ZNF519: variants seen among roughly 807,000 people sequenced by gnomAD.
ZNF519 encodes similar to Zinc finger protein 85 (Zinc finger protein HPF4) (HTF1).
A neutral mutation model predicts 7.4 loss-of-function variants in ZNF519; 7 were observed. The ratio of observed to expected loss-of-function variants is 0.94; its 90% confidence interval spans 0.54 to 1.77. The LOEUF is 1.77. Among genes scored for constraint, ZNF519 ranks in the 40% most tolerant of loss-of-function variants. The pLI, the probability that ZNF519 is intolerant of heterozygous loss-of-function variation, is 0.00. For synonymous variants in ZNF519, 179 were observed against 203.3 expected (o/e 0.88, Z 1.02); for missense variants, 586 against 623.1 (o/e 0.94, Z 0.63).
At chr18:14,128,133 CA>C (rs374217542) in intron 1 of ZNF519, among the ~76,000 whole-genome samples, 19 of 148,796 alleles carry the variant, frequency 1.3e-4, no homozygotes, top group African/African-American at 3.4e-4. Context: ...ACTAAAAATA[CA>C]AAAAAAAAAT....
intron 2 of ZNF519, among the ~76,000 whole-genome samples, chr18:14,107,789 C>T (rs1161528994): frequency 6.6e-6 from 1 of 152,060 alleles, no homozygotes; most frequent in Non-Finnish European, 1.5e-5. Flanking sequence ...GGTAGCCTGG[C>T]GGTATTCCCC....
chr18:14,109,106 A>G (rs761055363), intron 2 of ZNF519, among the ~76,000 whole-genome samples: 2 of 151,578 alleles, frequency 1.3e-5, no homozygotes, highest in Non-Finnish European at 2.9e-5. Context: ...AAACTCAGAG[A>G]AACTCCGTCT....
Position 14,132,340 on chromosome 18 carries a change from G to C in ZNF519, c.-63C>G. 1 of 1,599,910 alleles carries C rather than the reference G, an allele frequency of 6.3e-7. No individual in the cohort carries two copies. Among genetic ancestry groups the C allele is most frequent in the South Asian group, 1.1e-5 (1 of 90,620 alleles). On this transcript the variant is annotated 5_prime_UTR_variant, in exon 1 of 3. Coordinates refer to ENST00000590202, the MANE Select transcript of ZNF519 (RefSeq NM_145287.4). Reference sequence around the variant, plus strand: ...AATCATTCAATGCCAGCAGGTCACAGAGCGACGGAGTGAGTGGCAGAATCA... The same window carrying C: ...AATCATTCAATGCCAGCAGGTCACACAGCGACGGAGTGAGTGGCAGAATCA...
At chr18:14,127,643 T>C (rs1391565903) in intron 1 of ZNF519, among the ~76,000 whole-genome samples, 3 of 152,150 alleles carry the variant, frequency 2.0e-5, no homozygotes, top group East Asian at 1.9e-4. Flanking sequence ...GTTTAATTAA[T>C]GCACATGTGT....
intron 2 of ZNF519, among the ~76,000 whole-genome samples, chr18:14,118,325 TG>T (rs2143153798): frequency 6.6e-6 from 1 of 152,300 alleles, no homozygotes; most frequent in East Asian, 1.9e-4. Context: ...ACCAAAGTGC[TG>T]GGATTACAGG....
downstream of ZNF519, among the ~76,000 whole-genome samples, chr18:14,099,736 G>T (rs114569484): frequency 0.016 from 2,389 of 152,210 alleles, 64 homozygotes; most frequent in African/African-American, 0.055. Flanking sequence ...CAACAAGGGA[G>T]CCACCTTGTG....
intron 2 of ZNF519, among the ~76,000 whole-genome samples, chr18:14,116,576 A>G (rs937719878): frequency 6.6e-6 from 1 of 152,246 alleles, no homozygotes; most frequent in Non-Finnish European, 1.5e-5. Context: ...TAGTCTCTTC[A>G]ATAAATGGTG....
chr18:14,111,515 G>GAAAAAAAAAAAAAAAAAAAAAAAAAAA (rs371322134), intron 2 of ZNF519, among the ~76,000 whole-genome samples: 2 of 72,638 alleles, frequency 2.8e-5, no homozygotes, highest in Non-Finnish European at 5.6e-5. Flanking sequence ...TCAAAAAAAA[G>GAAAAAAAAAAAAAAAAAAAAAAAAAAA]AAAAAAAAAA....
At chr18:14,092,348 C>T (rs1312299362) in intron 2 of ZNF519, among the ~76,000 whole-genome samples, 1 of 152,074 alleles carries the variant, frequency 6.6e-6, no homozygotes, top group Non-Finnish European at 1.5e-5. Flanking sequence ...TTGGAATGAG[C>T]TTGTTTGGGA....
At chr18:14,087,280 G>C (rs898059866) in intron 2 of ZNF519, among the ~76,000 whole-genome samples, 1 of 152,150 alleles carries the variant, frequency 6.6e-6, no homozygotes, top group Non-Finnish European at 1.5e-5. Flanking sequence ...TCTGACACAA[G>C]ATAAGGATGC....
chr18:14,127,442 T>C (rs2046306044), intron 1 of ZNF519, among the ~76,000 whole-genome samples: 1 of 152,112 alleles, frequency 6.6e-6, no homozygotes, highest in African/African-American at 2.4e-5. Context: ...TCTTGGGGGT[T>C]ACAGCAAGCA....
downstream of ZNF519, chr18:14,071,325 G>C (rs2046027258): frequency 6.6e-6 from 1 of 152,078 alleles, no homozygotes; most frequent in East Asian, 1.9e-4. Context: ...ATTAATTACA[G>C]AGGGTTGTTC....
intron 2 of ZNF519, among the ~76,000 whole-genome samples, chr18:14,109,866 T>C (rs996786793): frequency 1.3e-5 from 2 of 152,060 alleles, no homozygotes; most frequent in African/African-American, 4.8e-5. Context: ...AGAGCCTACG[T>C]AGCCAAAGTA....
At chr18:14,117,299 T>C (rs1308987385) in intron 2 of ZNF519, among the ~76,000 whole-genome samples, 1 of 152,158 alleles carries the variant, frequency 6.6e-6, no homozygotes, top group Admixed American at 6.5e-5. Context: ...TCTCCAAAGA[T>C]GAAATAATAC....
rs2046160559 is a variant in ZNF519, at chr18:14,101,450, T to A, written c.*3467A>T. The A allele has an allele frequency of 7.7e-6, 3 of 387,972 alleles. No homozygotes were observed. In the Admixed American group the frequency reaches 1.3e-4, roughly 17 times the overall value. The allele number at this position is 387,972 out of a possible 1,614,324, so 24.0% of individuals were successfully genotyped here. On this transcript the variant is annotated 3_prime_UTR_variant, in exon 3 of 3. Transcript: ENST00000590202. ...TATAAATAATTTTCCTAGATATTCT[T>A]ACAAATATGTGAAAGCCGATTGTAC... is the stretch of plus-strand genomic sequence containing the variant.
At chr18:14,111,649 T>C (rs1447266696) in intron 2 of ZNF519, among the ~76,000 whole-genome samples, 1 of 152,078 alleles carries the variant, frequency 6.6e-6, no homozygotes, top group African/African-American at 2.4e-5. Context: ...GTGGCTGCTA[T>C]GAGCAGATAG....
chr18:14,114,912 T>C (rs868336964), intron 2 of ZNF519, among the ~76,000 whole-genome samples: 1 of 152,072 alleles, frequency 6.6e-6, no homozygotes, highest in Admixed American at 6.6e-5. Flanking sequence ...AACCCATAGA[T>C]ATATATAGCT....
rs541545255 is a variant in ZNF519, at chr18:14,091,939, C to T, written c.131-6863G>A. On this transcript the variant is annotated intron_variant and NMD_transcript_variant, in intron 2 of 4. Transcript: ENST00000587419. ...GTCAGAGTGGCTTGAATTCAGTGAA[C>T]GATGGCCAGAGGAAGTTTAGTGAAG... is the stretch of plus-strand genomic sequence containing the variant. Among the ~76,000 whole-genome samples the T allele has an allele frequency of 1.8e-4, 28 of 152,130 alleles. 1 individual carries two copies. In the South Asian group the frequency reaches 5.4e-3, roughly 29 times the overall value.
rs542611449 is a variant in ZNF519, at chr18:14,103,043, C to T, written c.*1874G>A. On this transcript the variant is annotated 3_prime_UTR_variant, in exon 3 of 3. Coordinates refer to ENST00000590202, the MANE Select transcript of ZNF519 (RefSeq NM_145287.4). ...AGAAAGCAAAATGATGCAAATTCAA[C>T]TATACTGATAATATTACAGGCTATA... 1.3e-5 allele frequency: 2 copies of T among 152,078 alleles called. No homozygotes were observed. Among genetic ancestry groups the T allele is most frequent in the Admixed American group, 1.3e-4 (2 of 15,274 alleles). 9.4% of individuals were successfully genotyped at this position (152,078 alleles called of 1,614,324 possible).
Sources: gnomAD v4.1 joint callset for allele counts (sites outside exome capture counted in the v4.1 genomes callset) on GRCh38, gnomAD v4.1.1 for gene constraint, MANE v1.5 for transcripts, NCBI Gene and HGNC (gene_info 2026-07-23, HGNC 2026-07-21) for gene names.